Variants in MAPK10 observed in about 807,000 individuals in gnomAD.
MAPK10 encodes the protein mitogen-activated protein kinase 10.
A neutral mutation model predicts 59.3 loss-of-function variants in MAPK10; 25 were observed. The ratio of observed to expected loss-of-function variants is 0.42; its 90% confidence interval spans 0.31 to 0.59. The LOEUF (loss-of-function observed/expected upper bound fraction) is 0.59, where lower values mean the gene tolerates loss of function less well. MAPK10 is among the 20% of genes least tolerant of loss of function. The probability of loss-of-function intolerance (pLI) is 0.15; values close to 1 mark genes in which losing one functional copy is unlikely to be tolerated. For synonymous variants in MAPK10, 190 were observed against 200.5 expected (o/e 0.95, Z 0.44); for missense variants, 351 against 568.9 (o/e 0.62, Z 3.90).
chr4:86,559,613 A>G (rs1024016168), intron 1 of MAPK10, among the ~76,000 whole-genome samples: 2 of 152,130 alleles, frequency 1.3e-5, no homozygotes, highest in Non-Finnish European at 2.9e-5. Flanking sequence ...AAACTATACT[A>G]CTTAAATATT....
intron 2 of MAPK10, among the ~76,000 whole-genome samples, chr4:86,290,213 T>G (rs1314783687): frequency 6.6e-6 from 1 of 152,088 alleles, no homozygotes; most frequent in Admixed American, 6.6e-5. Context: ...GAGAAACCAG[T>G]GAAGGAGCTA....
chr4:86,470,357 T>A (rs1422623813), intron 1 of MAPK10, among the ~76,000 whole-genome samples: 1 of 152,204 alleles, frequency 6.6e-6, no homozygotes, highest in Non-Finnish European at 1.5e-5. Context: ...ATAACAGTAT[T>A]GGAATATTTT....
chr4:86,011,522 G>A lies in MAPK10; in HGVS notation c.*5706C>T, dbSNP rs1345099239. 2.0e-5 allele frequency: 3 copies of A among 152,144 alleles called. No homozygotes were observed. The highest frequency in any genetic ancestry group is 2.9e-5 in the Non-Finnish European group (2 of 68,018). 9.4% of individuals were successfully genotyped at this position (152,144 alleles called of 1,614,324 possible). A position where few individuals can be genotyped will look rare whatever the true frequency, so the allele number is the denominator to read the frequency against. On this transcript the variant is annotated 3_prime_UTR_variant, in exon 14 of 14. Coordinates refer to ENST00000641462, the MANE Select transcript of MAPK10 (RefSeq NM_138982.4). ...CTTTTTTCTCCTTACTGTGAACTTG[G>A]TCAAAATTACCAAATGTTTGGTAAC...
intron 2 of MAPK10, among the ~76,000 whole-genome samples, chr4:86,328,441 G>A (rs1445520417): frequency 2.0e-5 from 3 of 152,182 alleles, no homozygotes; most frequent in Non-Finnish European, 4.4e-5. Context: ...AAGACACTGT[G>A]GCGATTCCTC....
intron 4 of MAPK10, among the ~76,000 whole-genome samples, chr4:86,134,672 G>A (rs1414720000): frequency 1.3e-5 from 2 of 152,132 alleles, no homozygotes; most frequent in East Asian, 3.9e-4. Context: ...AGTAAAATTG[G>A]GGGGAGGAGC....
intron 1 of MAPK10, among the ~76,000 whole-genome samples, chr4:86,524,970 C>T (rs1301470042): frequency 6.6e-6 from 1 of 151,134 alleles, no homozygotes; most frequent in Non-Finnish European, 1.5e-5. Context: ...ATTCTTCAGG[C>T]GTTAGCAAGC....
intron 4 of MAPK10, among the ~76,000 whole-genome samples, chr4:86,121,605 CA>C (rs1440925648): frequency 1.3e-5 from 2 of 151,942 alleles, no homozygotes; most frequent in East Asian, 3.9e-4. Flanking sequence ...TTTTAATTGA[CA>C]AAAATTGTAT....
chr4:86,182,580 G>A (rs1237188924), intron 3 of MAPK10, among the ~76,000 whole-genome samples: 1 of 152,100 alleles, frequency 6.6e-6, no homozygotes, highest in Non-Finnish European at 1.5e-5. Context: ...GGATCTGTGA[G>A]ATGCCCCAGG....
chr4:86,168,074 G>A (rs892541566), intron 3 of MAPK10, among the ~76,000 whole-genome samples: 2 of 152,106 alleles, frequency 1.3e-5, no homozygotes, highest in Non-Finnish European at 2.9e-5. Context: ...AGCATTCTGA[G>A]AGGACAGCCA....
intron 1 of MAPK10, among the ~76,000 whole-genome samples, chr4:86,387,395 G>GT (rs1393281036): frequency 7.9e-5 from 12 of 152,118 alleles, no homozygotes; most frequent in Admixed American, 5.9e-4. Context: ...AAATAATCAA[G>GT]TTTTTACATT....
intron 1 of MAPK10, among the ~76,000 whole-genome samples, chr4:86,511,793 AAAAG>A (rs1756286438): frequency 6.7e-6 from 1 of 149,538 alleles, no homozygotes; most frequent in African/African-American, 2.5e-5. Context: ...GGAGAAGAAG[AAAAG>A]GAAGGAAGGA....
At chr4:86,446,642 A>G (rs1750079600) in intron 1 of MAPK10, among the ~76,000 whole-genome samples, 1 of 152,168 alleles carries the variant, frequency 6.6e-6, no homozygotes, top group South Asian at 2.1e-4. Flanking sequence ...GCTAAGCATT[A>G]TATTTATTCC....
chr4:86,071,726 G>C (rs1270371025), intron 9 of MAPK10, among the ~76,000 whole-genome samples: 2 of 151,010 alleles, frequency 1.3e-5, no homozygotes, highest in African/African-American at 2.4e-5. Context: ...ATTTCTGAGG[G>C]CTCTGTTCTG....
chr4:86,045,486 C>T (rs1946733), intron 11 of MAPK10, among the ~76,000 whole-genome samples: 34,671 of 151,936 alleles, frequency 0.23, 4,159 homozygotes, highest in South Asian at 0.26. Flanking sequence ...GAATATTCTG[C>T]CCATGTCTAC....
At chr4:86,213,367 C>T (rs898537271) in intron 2 of MAPK10, among the ~76,000 whole-genome samples, 1 of 151,860 alleles carries the variant, frequency 6.6e-6, no homozygotes, top group African/African-American at 2.4e-5. Flanking sequence ...CAGAGACCAA[C>T]AAAATAGAGA....
At chr4:86,451,987 A>G (rs1408889189) in intron 1 of MAPK10, among the ~76,000 whole-genome samples, 2 of 152,224 alleles carry the variant, frequency 1.3e-5, no homozygotes, top group East Asian at 3.9e-4. Flanking sequence ...ACAACCCTGT[A>G]AGGTAGCTAT....
chr4:86,378,798 C>T (rs1056005502), intron 1 of MAPK10, among the ~76,000 whole-genome samples: 6 of 152,174 alleles, frequency 3.9e-5, no homozygotes. Context: ...ACATAAATCC[C>T]TCATGGACCC....
intron 2 of MAPK10, among the ~76,000 whole-genome samples, chr4:86,296,900 A>G (rs1409911552): frequency 6.6e-6 from 1 of 152,236 alleles, no homozygotes; most frequent in Admixed American, 6.5e-5. Context: ...CAGAAAAATT[A>G]ATGTCTTGTA....
chr4:86,476,849 C>T (rs1753132296), intron 1 of MAPK10, among the ~76,000 whole-genome samples: 1 of 152,146 alleles, frequency 6.6e-6, no homozygotes, highest in African/African-American at 2.4e-5. Flanking sequence ...TCTCCTCCCC[C>T]AGGAGCTTGC....
Sources: gnomAD v4.1 joint callset for allele counts (sites outside exome capture counted in the v4.1 genomes callset) on GRCh38, gnomAD v4.1.1 for gene constraint, MANE v1.5 for transcripts, NCBI Gene and HGNC (gene_info 2026-07-23, HGNC 2026-07-21) for gene names.